Variants in MDGA2 observed in about 807,000 individuals in gnomAD.
MDGA2 encodes MAM domain containing glycosylphosphatidylinositol anchor 2, also known as MAM domain-containing glycosylphosphatidylinositol anchor protein 2.
Under a neutral mutation model 117.8 loss-of-function variants are expected in MDGA2, and 40 were observed. The ratio of observed to expected loss-of-function variants is 0.34; its 90% confidence interval spans 0.26 to 0.44. The LOEUF is 0.44. Ranked by LOEUF, MDGA2 falls within the 20% of genes least tolerant of loss-of-function variation. The pLI, the probability that MDGA2 is intolerant of heterozygous loss-of-function variation, is 1.00. For synonymous variants in MDGA2, 452 were observed against 439.0 expected (o/e 1.03, Z -0.37); for missense variants, 1,123 against 1,250.6 (o/e 0.90, Z 1.54).
intron 1 of MDGA2, chr14:47,626,498 C>T (rs1014484826): frequency 6.5e-6 from 1 of 152,760 alleles, no homozygotes; most frequent in Non-Finnish European, 1.5e-5. Flanking sequence ...TGTGGGAGCC[C>T]CTTTCTGGGC....
chr14:47,402,557 G>T (rs1175706329), intron 1 of MDGA2, among the ~76,000 whole-genome samples: 1 of 152,106 alleles, frequency 6.6e-6, no homozygotes, highest in African/African-American at 2.4e-5. Context: ...TGTGTATTTT[G>T]TAATGTTGCT....
intron 10 of MDGA2, 68 bp downstream of exon 10, chr14:46,919,944 A>G: frequency 7.1e-7 from 1 of 1,410,076 alleles, no homozygotes; most frequent in Non-Finnish European, 9.4e-7. Flanking sequence ...AAACTCTTAG[A>G]AAAATGATAA....
At chr14:47,335,745 T>TATATATATATACATAC in intron 1 of MDGA2, among the ~76,000 whole-genome samples, 5 of 95,556 alleles carry the variant, frequency 5.2e-5, no homozygotes, top group African/African-American at 1.3e-4. Context: ...TATATATATA[T>TATATATATATACATAC]ATACATACAT....
chr14:46,911,150 A>T (rs1227855148), intron 10 of MDGA2, among the ~76,000 whole-genome samples: 1 of 152,190 alleles, frequency 6.6e-6, no homozygotes, highest in African/African-American at 2.4e-5. Context: ...CTTAAAATAA[A>T]AGTTAAATAA....
At chr14:47,651,919 G>C (rs1315933322) in intron 1 of MDGA2, among the ~76,000 whole-genome samples, 1 of 152,168 alleles carries the variant, frequency 6.6e-6, no homozygotes, top group Non-Finnish European at 1.5e-5. Flanking sequence ...CAAGAGTCCA[G>C]CTTTTGACAA....
intron 5 of MDGA2, 26 bp downstream of exon 5, chr14:47,131,688 T>C (rs1594653957): frequency 1.4e-6 from 2 of 1,466,608 alleles, no homozygotes; most frequent in South Asian, 1.5e-5. Context: ...ATAAGATACA[T>C]GTAACATACA....
chr14:47,102,609 G>T (rs1289105721), intron 5 of MDGA2, among the ~76,000 whole-genome samples: 1 of 152,066 alleles, frequency 6.6e-6, no homozygotes, highest in Non-Finnish European at 1.5e-5. Flanking sequence ...TGATGAGCAG[G>T]TTATCACTGT....
chr14:47,044,384 TTGAG>T (rs1439072420), intron 7 of MDGA2, among the ~76,000 whole-genome samples: 1 of 152,136 alleles, frequency 6.6e-6, no homozygotes, highest in African/African-American at 2.4e-5. Context: ...CTTGGTAATA[TTGAG>T]TAATTTGTCC....
intron 1 of MDGA2, among the ~76,000 whole-genome samples, chr14:47,576,444 G>C (rs1896116562): frequency 6.6e-6 from 1 of 151,952 alleles, no homozygotes; most frequent in Non-Finnish European, 1.5e-5. Flanking sequence ...TCAGAATTAA[G>C]GTATGCATGA....
chr14:47,450,329 C>G (rs373686836), intron 1 of MDGA2, among the ~76,000 whole-genome samples: 1 of 151,768 alleles, frequency 6.6e-6, no homozygotes, highest in South Asian at 2.1e-4. Context: ...AAAATAGTAT[C>G]CCCCAAGGCA....
intron 1 of MDGA2, among the ~76,000 whole-genome samples, chr14:47,623,686 C>A (rs1897090248): frequency 6.6e-6 from 1 of 151,980 alleles, no homozygotes; most frequent in Non-Finnish European, 1.5e-5. Context: ...GTATTAATAT[C>A]CTCATTTTAT....
chr14:47,004,950 T>G (rs1271898919), intron 8 of MDGA2, among the ~76,000 whole-genome samples: 1 of 151,682 alleles, frequency 6.6e-6, no homozygotes, highest in Non-Finnish European at 1.5e-5. Flanking sequence ...TTTTGTATAT[T>G]GATATCTTAT....
intron 10 of MDGA2, among the ~76,000 whole-genome samples, chr14:46,897,769 C>A (rs1194821485): frequency 6.6e-6 from 1 of 151,722 alleles, no homozygotes. Flanking sequence ...GTGCAGTGAG[C>A]AATTAATTTA....
intron 1 of MDGA2, among the ~76,000 whole-genome samples, chr14:47,583,704 CCTT>C (rs1896270726): frequency 6.6e-6 from 1 of 151,734 alleles, no homozygotes; most frequent in African/African-American, 2.4e-5. Context: ...ATCTAAAACT[CCTT>C]CTGTCTTCAG....
At chr14:47,559,943 T>C (rs1043103394) in intron 1 of MDGA2, among the ~76,000 whole-genome samples, 1 of 152,188 alleles carries the variant, frequency 6.6e-6, no homozygotes, top group Non-Finnish European at 1.5e-5. Context: ...CTGGGTCAAA[T>C]GGCACGTCTA....
At chr14:47,655,775 C>T (rs1361583162) in intron 1 of MDGA2, among the ~76,000 whole-genome samples, 6 of 152,098 alleles carry the variant, frequency 3.9e-5, no homozygotes, top group African/African-American at 1.4e-4. Flanking sequence ...CTGTTCTGAC[C>T]TATTTACCAG....
intron 9 of MDGA2, among the ~76,000 whole-genome samples, chr14:46,936,172 T>C (rs1884774638): frequency 6.6e-6 from 1 of 152,154 alleles, no homozygotes; most frequent in Admixed American, 6.6e-5. Context: ...TGCCAGTCAA[T>C]CACTTGAGCT....
chr14:46,847,497 G>A (rs1013710348), intron 15 of MDGA2, among the ~76,000 whole-genome samples: 3 of 151,992 alleles, frequency 2.0e-5, no homozygotes, highest in Non-Finnish European at 4.4e-5. Context: ...TGGCTGCTTG[G>A]AAATGATGAC....
At chr14:47,446,391 T>C (rs1195161410) in intron 1 of MDGA2, among the ~76,000 whole-genome samples, 1 of 152,182 alleles carries the variant, frequency 6.6e-6, no homozygotes, top group Non-Finnish European at 1.5e-5. Context: ...CCAGAATTTA[T>C]CCTGGTTTCA....
Sources: allele counts gnomAD v4.1 joint callset (sites outside exome capture counted in the v4.1 genomes callset), GRCh38; gene constraint gnomAD v4.1.1; transcripts MANE v1.5; gene names NCBI Gene and HGNC (gene_info 2026-07-23, HGNC 2026-07-21).